PRKCE: variants seen among roughly 807,000 people sequenced by gnomAD.
PRKCE encodes the protein protein kinase C epsilon type.
PRKCE carries 16 observed loss-of-function variants against 85.4 expected under a neutral mutation model. The ratio of observed to expected loss-of-function variants is 0.19; its 90% CI spans 0.13 to 0.28. The LOEUF is 0.28. Ranked by LOEUF, PRKCE falls within the 10% of genes least tolerant of loss-of-function variation. PRKCE has a pLI of 1.00. For missense variants in PRKCE, 573 were observed against 975.2 expected (o/e 0.59, Z 5.49); for synonymous variants, 388 against 371.5 (o/e 1.04, Z -0.51).
chr2:46,031,729 C>A (rs945171118), intron 10 of PRKCE, among the ~76,000 whole-genome samples: 1 of 151,918 alleles, frequency 6.6e-6, no homozygotes, highest in African/African-American at 2.4e-5. Flanking sequence ...TTACACCCAG[C>A]AGGAGTCATT....
intron 2 of PRKCE, among the ~76,000 whole-genome samples, chr2:45,955,798 A>G (rs769636939): frequency 1.0e-5 from 1 of 100,028 alleles, no homozygotes; most frequent in African/African-American, 4.7e-5. Context: ...CCCTCTATTT[A>G]AAAAAAAAAC....
At chr2:45,784,306 C>T (rs1686423022) in intron 1 of PRKCE, among the ~76,000 whole-genome samples, 1 of 152,200 alleles carries the variant, frequency 6.6e-6, no homozygotes, top group African/African-American at 2.4e-5. Context: ...TGACAAGGCC[C>T]CTGTAGGCGT....
chr2:45,986,796 TG>T (rs1057135208), intron 6 of PRKCE, among the ~76,000 whole-genome samples: 3 of 151,848 alleles, frequency 2.0e-5, no homozygotes, highest in Non-Finnish European at 2.9e-5. Context: ...CCCCTGGAGG[TG>T]GGGGCGGAGC....
intron 1 of PRKCE, among the ~76,000 whole-genome samples, chr2:45,725,813 G>C (rs11684762): frequency 0.14 from 21,349 of 150,092 alleles, 1,630 homozygotes; most frequent in Non-Finnish European, 0.17. Flanking sequence ...CCTCTTGACA[G>C]AGTGAGACTC....
chr2:45,963,825 A>C (rs1459865497), intron 2 of PRKCE, among the ~76,000 whole-genome samples: 11 of 146,246 alleles, frequency 7.5e-5, no homozygotes, highest in African/African-American at 1.2e-4. Flanking sequence ...TGACTTTAAA[A>C]TTAGCAAGTG....
At chr2:45,872,124 A>G (rs1334992376) in intron 2 of PRKCE, among the ~76,000 whole-genome samples, 2 of 152,164 alleles carry the variant, frequency 1.3e-5, no homozygotes, top group Non-Finnish European at 2.9e-5. Flanking sequence ...TATAACTGCT[A>G]AGGAGGGAAA....
At chr2:46,010,038 A>G (rs899901317) in intron 9 of PRKCE, among the ~76,000 whole-genome samples, 1 of 152,248 alleles carries the variant, frequency 6.6e-6, no homozygotes, top group Non-Finnish European at 1.5e-5. Context: ...TGTAGTAACT[A>G]TTAGAATGTA....
intron 1 of PRKCE, among the ~76,000 whole-genome samples, chr2:45,794,137 A>C (rs1173865621): frequency 8.5e-5 from 13 of 152,132 alleles, no homozygotes; most frequent in Admixed American, 8.5e-4. Context: ...TTGACCAGTC[A>C]ATGCAGAACT....
At chr2:46,008,821 C>T (rs1357618115) in intron 9 of PRKCE, among the ~76,000 whole-genome samples, 1 of 152,200 alleles carries the variant, frequency 6.6e-6, no homozygotes, top group Admixed American at 6.5e-5. Flanking sequence ...CTCCGAGATT[C>T]TAGGTTTTCA....
chr2:46,146,144 G>C (rs1676048834), intron 12 of PRKCE, among the ~76,000 whole-genome samples: 1 of 152,238 alleles, frequency 6.6e-6, no homozygotes. Flanking sequence ...TCAGCATGAA[G>C]TGTTTGTTTG....
chr2:45,754,303 C>T (rs1227464225), intron 1 of PRKCE, among the ~76,000 whole-genome samples: 3 of 152,160 alleles, frequency 2.0e-5, no homozygotes, highest in Non-Finnish European at 4.4e-5. Context: ...CATGTGACTT[C>T]TAGATCAGTG....
chr2:45,964,266 G>A (rs948412069), intron 2 of PRKCE, among the ~76,000 whole-genome samples: 1 of 152,190 alleles, frequency 6.6e-6, no homozygotes, highest in Admixed American at 6.5e-5. Context: ...CTGTCCACAG[G>A]CCCGTTTTAA....
At chr2:45,932,467 C>G (rs2104069404) in intron 2 of PRKCE, among the ~76,000 whole-genome samples, 1 of 152,258 alleles carries the variant, frequency 6.6e-6, no homozygotes, top group Middle Eastern at 3.4e-3. Context: ...GCTGCTCAGC[C>G]TCAGTAGATA....
chr2:46,149,175 A>T (rs896558996), intron 12 of PRKCE, among the ~76,000 whole-genome samples: 5 of 152,194 alleles, frequency 3.3e-5, no homozygotes, highest in African/African-American at 1.2e-4. Context: ...GAAAGTCCAG[A>T]TACTTGAATT....
intron 2 of PRKCE, among the ~76,000 whole-genome samples, chr2:45,898,888 C>CT (rs1696355805): frequency 6.6e-6 from 1 of 152,210 alleles, no homozygotes; most frequent in South Asian, 2.1e-4. Flanking sequence ...TGCCAGAACT[C>CT]TAAGGCCTGG....
chr2:45,906,673 C>T (rs1267411984), intron 2 of PRKCE, among the ~76,000 whole-genome samples: 4 of 152,144 alleles, frequency 2.6e-5, no homozygotes, highest in African/African-American at 7.2e-5. Context: ...GGTGATGCTC[C>T]CCTCTACTCA....
intron 2 of PRKCE, among the ~76,000 whole-genome samples, chr2:45,931,577 A>C (rs972659962): frequency 4.1e-4 from 62 of 152,184 alleles, no homozygotes; most frequent in African/African-American, 1.4e-3. Flanking sequence ...ACTTCCCACC[A>C]CTGCTGGTGT....
chr2:46,109,798 C>G (rs1045536651), intron 11 of PRKCE, among the ~76,000 whole-genome samples: 1 of 152,056 alleles, frequency 6.6e-6, no homozygotes, highest in African/African-American at 2.4e-5. Flanking sequence ...GGGAAAGCAT[C>G]CAGCTACTCA....
chr2:46,095,021 G>A (rs72808733), intron 11 of PRKCE, among the ~76,000 whole-genome samples: 34,561 of 151,926 alleles, frequency 0.23, 4,515 homozygotes, highest in African/African-American at 0.36. Context: ...TATTGCACTC[G>A]CCCGGCATAG....
Sources: allele counts gnomAD v4.1 joint callset (sites outside exome capture counted in the v4.1 genomes callset), GRCh38; gene constraint gnomAD v4.1.1; transcripts MANE v1.5; gene names NCBI Gene and HGNC (gene_info 2026-07-23, HGNC 2026-07-21).